FBXL7: variants seen among roughly 807,000 people sequenced by gnomAD.
FBXL7 encodes F-box and leucine rich repeat protein 7.
A neutral mutation model predicts 38.3 loss-of-function variants in FBXL7; 12 were observed. The observed-to-expected ratio is 0.31, with a 90% CI of 0.20 to 0.51. FBXL7 has a LOEUF of 0.51. Among genes scored for constraint, FBXL7 ranks in the 20% least tolerant of loss-of-function variants. The probability of loss-of-function intolerance (pLI) is 0.98; values close to 1 mark genes in which losing one functional copy is unlikely to be tolerated. For missense variants in FBXL7, 567 were observed against 676.4 expected, an observed-to-expected ratio of 0.84 and a Z score of 1.79; for synonymous variants, 297 against 300.9, an observed-to-expected ratio of 0.99 and a Z score of 0.13.
chr5:15,933,632 G>C (rs561250679), intron 3 of FBXL7, among the ~76,000 whole-genome samples: 1 of 152,314 alleles, frequency 6.6e-6, no homozygotes, highest in South Asian at 2.1e-4. Flanking sequence ...AGCTGTTTTT[G>C]TTCTCCATTT....
chr5:15,731,412 C>A (rs547622910), intron 2 of FBXL7, among the ~76,000 whole-genome samples: 1 of 152,232 alleles, frequency 6.6e-6, no homozygotes, highest in South Asian at 2.1e-4. Context: ...TCCTGAGACC[C>A]ATTCACTATC....
intron 2 of FBXL7, among the ~76,000 whole-genome samples, chr5:15,752,434 C>A (rs1256036494): frequency 6.6e-6 from 1 of 152,028 alleles, no homozygotes; most frequent in Non-Finnish European, 1.5e-5. Flanking sequence ...AGGTAGTTTT[C>A]ATGGGGAGAA....
intron 1 of FBXL7, among the ~76,000 whole-genome samples, chr5:15,535,420 A>G (rs1238384183): frequency 1.3e-5 from 2 of 152,200 alleles, no homozygotes; most frequent in Non-Finnish European, 2.9e-5. Flanking sequence ...CCAAAATGCT[A>G]ATAGTGACAT....
intron 2 of FBXL7, among the ~76,000 whole-genome samples, chr5:15,663,073 C>G (rs1342276216): frequency 6.6e-6 from 1 of 152,064 alleles, no homozygotes; most frequent in Non-Finnish European, 1.5e-5. Context: ...AGCATTGAAT[C>G]TGTAAATTGG....
chr5:15,507,184 G>T (rs1580342775), intron 1 of FBXL7, among the ~76,000 whole-genome samples: 1 of 151,976 alleles, frequency 6.6e-6, no homozygotes, highest in South Asian at 2.1e-4. Flanking sequence ...AATCACCCTA[G>T]TTCTGAGTAG....
At chr5:15,632,385 T>C (rs1197326448) in intron 2 of FBXL7, among the ~76,000 whole-genome samples, 1 of 152,198 alleles carries the variant, frequency 6.6e-6, no homozygotes, top group Non-Finnish European at 1.5e-5. Context: ...AAGTTATATT[T>C]AGCCACTAAA....
chr5:15,687,075 T>C (rs1579378028), intron 2 of FBXL7, among the ~76,000 whole-genome samples: 3 of 152,366 alleles, frequency 2.0e-5, no homozygotes. Flanking sequence ...GACCACTTTG[T>C]CTTCTCCCAT....
intron 1 of FBXL7, among the ~76,000 whole-genome samples, chr5:15,504,025 A>G (rs1736574138): frequency 1.3e-5 from 2 of 152,248 alleles, no homozygotes; most frequent in African/African-American, 2.4e-5. Flanking sequence ...GTGTATTCCA[A>G]GGACTAGCGC....
At chr5:15,906,507 CA>C (rs370444716) in intron 2 of FBXL7, among the ~76,000 whole-genome samples, 1,713 of 138,308 alleles carry the variant, frequency 0.012, 51 homozygotes, top group African/African-American at 0.045. Flanking sequence ...TCAGGATCCA[CA>C]AAAAATTTTT....
chr5:15,777,361 G>A (rs1023289513), intron 2 of FBXL7, among the ~76,000 whole-genome samples: 1 of 151,964 alleles, frequency 6.6e-6, no homozygotes, highest in African/African-American at 2.4e-5. Context: ...ACTCCAAAAA[G>A]TGTTTATGCT....
In FBXL7 at chr5:15,938,606, G is replaced by A. The variant is rs1742264272; in HGVS notation, c.*1420G>A. ...CAAAGAATGCAAAGCAGACTTCCAG[G>A]TGTTTAAATTCTGTTCACTCAACAA... On this transcript the variant is annotated 3_prime_UTR_variant, in exon 4 of 4. Coordinates refer to ENST00000504595, the MANE Select transcript of FBXL7 (RefSeq NM_012304.5). 6.1e-6 allele frequency: 1 copy of A among 164,644 alleles called. No individual in the cohort carries two copies. Among genetic ancestry groups the A allele is most frequent in the African/African-American group, 2.4e-5 (1 of 42,044 alleles). The allele number at this position is 164,644 out of a possible 1,614,324, so 10.2% of individuals were successfully genotyped here.
At chr5:15,831,476 C>T (rs952233488) in intron 2 of FBXL7, among the ~76,000 whole-genome samples, 1 of 152,216 alleles carries the variant, frequency 6.6e-6, no homozygotes, top group Admixed American at 6.5e-5. Flanking sequence ...CCTCACAGGG[C>T]GTCAGTATGA....
chr5:15,516,994 T>C (rs1054805535), intron 1 of FBXL7, among the ~76,000 whole-genome samples: 4 of 152,086 alleles, frequency 2.6e-5, no homozygotes, highest in African/African-American at 7.2e-5. Flanking sequence ...TACATAGATA[T>C]TGGGTTTTTT....
chr5:15,780,109 T>C (rs1736954476), intron 2 of FBXL7, among the ~76,000 whole-genome samples: 1 of 152,184 alleles, frequency 6.6e-6, no homozygotes, highest in Admixed American at 6.6e-5. Flanking sequence ...CAAAGGGAGC[T>C]GAAGGGGAAG....
intron 2 of FBXL7, among the ~76,000 whole-genome samples, chr5:15,624,124 T>C (rs566101596): frequency 6.6e-6 from 1 of 152,358 alleles, no homozygotes; most frequent in African/African-American, 2.4e-5. Flanking sequence ...GTATTATATA[T>C]GCAGATACTT....
intron 1 of FBXL7, among the ~76,000 whole-genome samples, chr5:15,605,857 C>T (rs554458058): frequency 5.9e-5 from 9 of 152,254 alleles, no homozygotes; most frequent in African/African-American, 2.2e-4. Context: ...TAAAATATGT[C>T]TTTGGCCTTC....
Position 15,672,600 on chromosome 5 carries a change from G to C in FBXL7, c.127+56528G>C, listed in dbSNP as rs559446394. ...GAGATGAAGTCTTACTGTCGCTCAGGTTGGTGTGCAGTGGCACGATCTTGG... is the reference window on the plus strand; with the variant it reads ...GAGATGAAGTCTTACTGTCGCTCAGCTTGGTGTGCAGTGGCACGATCTTGG... On this transcript the variant is annotated intron_variant, in intron 2 of 3. Transcript: ENST00000504595. Among the ~76,000 whole-genome samples, 4 of 148,058 alleles carry C rather than the reference G, an allele frequency of 2.7e-5. No individual in the cohort carries two copies. The South Asian group carries it at 8.5e-4, about 31-fold the overall frequency.
At chr5:15,651,883 A>G (rs973741439) in intron 2 of FBXL7, among the ~76,000 whole-genome samples, 1 of 152,232 alleles carries the variant, frequency 6.6e-6, no homozygotes, top group African/African-American at 2.4e-5. Context: ...CTTCATATGC[A>G]CTGAAAATCT....
At chr5:15,802,713 G>A (rs1737603648) in intron 2 of FBXL7, among the ~76,000 whole-genome samples, 1 of 151,390 alleles carries the variant, frequency 6.6e-6, no homozygotes, top group Non-Finnish European at 1.5e-5. Context: ...GAGTACAGTA[G>A]CATGATCTTG....
Sources: allele counts gnomAD v4.1 joint callset (sites outside exome capture counted in the v4.1 genomes callset), GRCh38; gene constraint gnomAD v4.1.1; transcripts MANE v1.5; gene names NCBI Gene and HGNC (gene_info 2026-07-23, HGNC 2026-07-21).